The following NEU3 variants were observed in gnomAD, a reference collection of about 807,000 sequenced individuals.
The protein encoded by NEU3 is neuraminidase 3.
Under a neutral mutation model 11.4 loss-of-function variants are expected in NEU3, and 10 were observed. The observed-to-expected ratio is 0.88, with a 90% confidence interval of 0.54 to 1.49. The LOEUF (loss-of-function observed/expected upper bound fraction) is 1.49. NEU3 is among the 40% of genes most tolerant of loss of function. The pLI is 0.00. For synonymous variants in NEU3, 212 were observed against 228.2 expected (o/e 0.93, Z 0.64); for missense variants, 529 against 581.8 (o/e 0.91, Z 0.93).
In NEU3 at chr11:75,005,586, C is replaced by T; in HGVS notation, c.480C>T (p.Cys160=). Reference sequence around the variant, plus strand: ...CAGGCAGGAATGCTGCCCGCCTTTGCTTCATCTACAGTCAGGATGCTGGAT... The same window carrying T: ...CAGGCAGGAATGCTGCCCGCCTTTGTTTCATCTACAGTCAGGATGCTGGAT... The part of the protein sequence containing the change: ...IVSGRNAARL[C]FIYSQDAGCS... The change falls in exon 3 of 3, where the codon TGC becomes TGT. Residue 160 remains cysteine, a synonymous_variant. Coordinates refer to ENST00000294064, the MANE Select transcript of NEU3 (RefSeq NM_006656.6). 6.2e-7 allele frequency: 1 copy of T among 1,614,006 alleles called. No homozygotes were observed.
Position 74,989,027 on chromosome 11 carries a change from C to A in NEU3, c.-34C>A, listed in dbSNP as rs764687850. On this transcript the variant is annotated 5_prime_UTR_variant, in exon 1 of 3. Transcript: ENST00000294064. ...TCCTCCTCTGTCTCAGTCTCCCCAG[C>A]CTTGGGGCCGGTGCCTCTTCCGGGC... 5.3e-6 allele frequency: 8 copies of A among 1,508,398 alleles called. No homozygotes were observed. The highest frequency in any genetic ancestry group is 7.2e-6 in the Non-Finnish European group (8 of 1,109,806). 93.4% of individuals were successfully genotyped at this position (1,508,398 alleles called of 1,614,324 possible). A position where few individuals can be genotyped will look rare whatever the true frequency, so the allele number is the denominator to read the frequency against.
At chr11:74,984,095 G>A (rs1411596248), upstream of NEU3, among the ~76,000 whole-genome samples, 2 of 152,130 alleles carry the variant, frequency 1.3e-5, no homozygotes, top group African/African-American at 2.4e-5. Flanking sequence ...CAGGTGGAGT[G>A]GCATACTTAT....
At chr11:74,997,674 T>C (rs1948803176) in intron 2 of NEU3, among the ~76,000 whole-genome samples, 1 of 129,760 alleles carries the variant, frequency 7.7e-6, no homozygotes, top group African/African-American at 3.0e-5. Flanking sequence ...TGAAATCCCG[T>C]CTCTACTAAA....
rs190689941 is a variant in NEU3 at position 74,995,151 on chromosome 11, A to T, written c.306+431A>T. 3.0e-5 allele frequency: 13 copies of T among 439,528 alleles called. No individual in the cohort carries two copies. In the East Asian group the frequency reaches 4.4e-4, roughly 15 times the overall value. The allele number at this position is 439,528 out of a possible 1,614,324, so 27.2% of individuals were successfully genotyped here. On this transcript the variant is annotated intron_variant, in intron 2 of 2. Coordinates refer to ENST00000294064, the MANE Select transcript of NEU3 (RefSeq NM_006656.6). ...ATCACCCAGGGAAGTAAGCATTGGT[A>T]GTCCAGTTTTGCTGATGAGAGATCC...
chr11:74,995,215 T>C (rs1948777375), intron 2 of NEU3, among the ~76,000 whole-genome samples: 1 of 152,226 alleles, frequency 6.6e-6, no homozygotes, highest in Non-Finnish European at 1.5e-5. Context: ...CAGGACCACA[T>C]TTAGCAGGTG....
chr11:75,010,285 T>A lies in NEU3; in HGVS notation c.*3793T>A, dbSNP rs144576762. On this transcript the variant is annotated 3_prime_UTR_variant, in exon 3 of 3. Transcript: ENST00000294064. ...TTTTTCTGTCATATTCTGAATTCCC[T>A]GAAGGTAAGGACTATGTCTGATTCC... 195 of 152,344 alleles carry A rather than the reference T, an allele frequency of 1.3e-3. 1 individual carries two copies. Among genetic ancestry groups the A allele is most frequent in the African/African-American group, 4.4e-3 (183 of 41,578 alleles). The allele number at this position is 152,344 out of a possible 1,614,324, so 9.4% of individuals were successfully genotyped here.
At chr11:75,004,285 TG>T (rs1217290411) in intron 2 of NEU3, 1 of 681,798 alleles carries the variant, frequency 1.5e-6, no homozygotes, top group South Asian at 1.6e-5. Flanking sequence ...TTAGTTATTT[TG>T]TTTTATTTTT....
At chr11:74,994,893 G>T (rs903100188) in intron 2 of NEU3, 173 bp downstream of exon 2, 7 of 712,678 alleles carry the variant, frequency 9.8e-6, no homozygotes, top group Non-Finnish European at 1.8e-5. Flanking sequence ...TGTGCCAGGG[G>T]CACATTGGGT....
At chr11:74,989,252 AT>A in intron 1 of NEU3, 98 bp downstream of exon 1, 1 of 1,035,954 alleles carries the variant, frequency 9.7e-7, no homozygotes, top group Non-Finnish European at 1.5e-6. Flanking sequence ...CCAGCCTTGG[AT>A]TATTGAGACA....
At chr11:75,011,988 G>A (rs568295982), downstream of NEU3, among the ~76,000 whole-genome samples, 30 of 152,104 alleles carry the variant, frequency 2.0e-4, no homozygotes, top group Non-Finnish European at 4.0e-4. Flanking sequence ...ATCCATCTTC[G>A]TCCTCTTTGC....
At chr11:74,987,663 AT>A (rs1948679991), upstream of NEU3, among the ~76,000 whole-genome samples, 1 of 151,982 alleles carries the variant, frequency 6.6e-6, no homozygotes, top group South Asian at 2.1e-4. Flanking sequence ...AATACAAAAA[AT>A]TAGCCGGGCG....
At chr11:74,990,921 A>G (rs1421298630) in intron 1 of NEU3, among the ~76,000 whole-genome samples, 1 of 152,258 alleles carries the variant, frequency 6.6e-6, no homozygotes, top group East Asian at 1.9e-4. Context: ...TCAAGGAATA[A>G]AACTAGAATA....
In NEU3 at chr11:75,005,443, A is replaced by G; in HGVS notation, c.337A>G (p.Thr113Ala). 6.2e-7 allele frequency: 1 copy of G among 1,612,674 alleles called. No homozygotes were observed. The highest frequency in any genetic ancestry group is 8.5e-7 in the Non-Finnish European group (1 of 1,179,014). The change falls in exon 3 of 3, where the codon ACA becomes GCA. Residue 113 changes from threonine (T) to alanine (A), a missense_variant. Coordinates refer to ENST00000294064, the MANE Select transcript of NEU3 (RefSeq NM_006656.6). ...WGPLKPLMEA[T>A]LPGHRTMNPC... ...GCCCCTGAAGCCACTGATGGAAGCC[A>G]CACTACCGGGGCATCGGACCATGAA...
At chr11:74,986,256 C>A (rs1026241002), upstream of NEU3, among the ~76,000 whole-genome samples, 2 of 152,186 alleles carry the variant, frequency 1.3e-5, no homozygotes, top group African/African-American at 2.4e-5. Flanking sequence ...TAATTTTTCA[C>A]TATTAAACAT....
At chr11:74,987,084 G>T (rs1180048502), upstream of NEU3, among the ~76,000 whole-genome samples, 2 of 152,128 alleles carry the variant, frequency 1.3e-5, no homozygotes, top group Non-Finnish European at 2.9e-5. Context: ...AATTCATTTT[G>T]TCATTAAAGG....
chr11:75,012,853 A>C (rs1253447858), downstream of NEU3, among the ~76,000 whole-genome samples: 3 of 152,202 alleles, frequency 2.0e-5, no homozygotes, highest in Non-Finnish European at 4.4e-5. Flanking sequence ...TTTGGAATTG[A>C]AGGAAGAGCT....
downstream of NEU3, among the ~76,000 whole-genome samples, chr11:75,014,707 A>G (rs1207195888): frequency 6.6e-6 from 1 of 152,066 alleles, no homozygotes; most frequent in African/African-American, 2.4e-5. Flanking sequence ...CAACAAAAAA[A>G]TACAAAAATT....
chr11:75,015,319 A>G (rs1026500136), downstream of NEU3, among the ~76,000 whole-genome samples: 71 of 152,190 alleles, frequency 4.7e-4, no homozygotes, highest in Non-Finnish European at 7.3e-4. Context: ...TGGTAGCTTG[A>G]TCTTATACTT....
chr11:74,988,742 A>T (rs1045681740), upstream of NEU3: 4 of 404,348 alleles, frequency 9.9e-6, no homozygotes, highest in African/African-American at 8.9e-5. Flanking sequence ...CCAGGGCTTG[A>T]GCTGAGTTGG....
Sources: gnomAD v4.1 joint callset for allele counts (sites outside exome capture counted in the v4.1 genomes callset) on GRCh38, gnomAD v4.1.1 for gene constraint, MANE v1.5 for transcripts, NCBI Gene and HGNC (gene_info 2026-07-23, HGNC 2026-07-21) for gene names.